DNAH10: variants seen among roughly 807,000 people sequenced by gnomAD.
The protein encoded by DNAH10 is axonemal beta dynein heavy chain 10.
Under a neutral mutation model 506.6 loss-of-function variants are expected in DNAH10, and 348 were observed. The observed-to-expected ratio is 0.69, with a 90% confidence interval of 0.63 to 0.75. DNAH10 has a LOEUF of 0.75. DNAH10 is among the 30% of genes least tolerant of loss of function. DNAH10 has a pLI of 0.00. For synonymous variants in DNAH10, 2,059 were observed against 2,198.6 expected, an observed-to-expected ratio of 0.94 and a Z score of 1.78; for missense variants, 5,179 against 5,787.1, an observed-to-expected ratio of 0.89 and a Z score of 3.41.
At position 123,917,727 on chromosome 12, in the gene DNAH10, C is replaced by T. The variant is rs1027683741; in HGVS notation, c.11146C>T (p.Arg3716Trp). The change falls in exon 64 of 79, where the codon CGG (arginine) becomes TGG (tryptophan). Residue 3716 changes from arginine to tryptophan, a missense_variant. Around this residue, in one of 3 missense-constraint regions of DNAH10, gnomAD observed 4,844 missense variants for 5,430.5 expected, o/e 0.89. Coordinates refer to ENST00000673944, the MANE Select transcript of DNAH10 (RefSeq NM_001372106.1). This position sits in a 1 kb window ranked among gnomAD's most constrained non-coding sequence, Gnocchi z 5.6. Reference protein sequence around the residue: ...LLKDLEDSLLRELATSTGNML... With the variant: ...LLKDLEDSLLWELATSTGNML... ...CAAGGACCTGGAAGATTCCCTCCTT[C>T]GGGAGCTGGCCACGTCCACGGGGAA... is the stretch of plus-strand genomic sequence containing the variant. 7 of 1,566,448 alleles carry T rather than the reference C, an allele frequency of 4.5e-6. No homozygotes were observed. The East Asian group carries it at 7.2e-5, about 16-fold the overall frequency.
chr12:123,857,191 A>G lies in DNAH10; in HGVS notation c.6574A>G (p.Asn2192Asp). The change falls in exon 37 of 79, where the codon AAC becomes GAC. Residue 2192 changes from asparagine (N) to aspartate (D), a missense_variant. By Grantham distance (23) the Asn-to-Asp change is conservative (BLOSUM62 1). Transcript: ENST00000673944. ...CCCTCGCGTCCGCTACCCTGACTTC[A>G]ACGATGCGGTAGAGCAGGTCCTGGA... ...DCPRVRYPDFNDAVEQVLEEN... is the reference protein window; with the variant it reads ...DCPRVRYPDFDDAVEQVLEEN... 6.2e-7 allele frequency: 1 copy of G among 1,609,136 alleles called. No homozygotes were observed. Among genetic ancestry groups the G allele is most frequent in the Non-Finnish European group, 8.5e-7 (1 of 1,177,766 alleles).
rs768210997 is a variant in DNAH10 at position 123,851,047 on chromosome 12, C to T, written c.6262C>T (p.Leu2088Phe). The T allele has an allele frequency of 6.2e-7, 1 of 1,611,578 alleles. No homozygotes were observed. Among genetic ancestry groups the T allele is most frequent in the Non-Finnish European group, 8.5e-7 (1 of 1,178,320 alleles). Residue 2088 changes from leucine (L) to phenylalanine (F), a missense_variant, in exon 35 of 79, where the codon CTC (leucine) becomes TTC (phenylalanine). Coordinates refer to ENST00000673944, the MANE Select transcript of DNAH10 (RefSeq NM_001372106.1). ...CCTGCAGCAGATCTGTGAGATCATG[C>T]TCTTCTCTGAGGGCTTCCTGGAGGC... ...PDLQQICEIMLFSEGFLEAKT... is the reference protein window; with the variant it reads ...PDLQQICEIMFFSEGFLEAKT...
intron 51 of DNAH10, among the ~76,000 whole-genome samples, chr12:123,885,145 C>A (rs1298952707): frequency 6.6e-6 from 1 of 152,190 alleles, no homozygotes; most frequent in Non-Finnish European, 1.5e-5. Context: ...ACTTTTGCGC[C>A]ATGGCAAAGT....
rs1956868255 is a variant in DNAH10, at chr12:123,762,614, G to A, written c.214+64G>A. ...TCCTGCCCGTCCCGGCCTCTCCGGC[G>A]GGCGCCGGGGCTGCTAGAGCCTGCC... On this transcript the variant is annotated intron_variant, in intron 1 of 78. Coordinates refer to ENST00000673944, the MANE Select transcript of DNAH10 (RefSeq NM_001372106.1). The surrounding 1 kb of genome is among the most constrained non-coding windows in gnomAD (Gnocchi z 5.0). The A allele has an allele frequency of 4.1e-6, 6 of 1,471,942 alleles. No homozygotes were observed. The highest frequency in any genetic ancestry group is 2.2e-5 in the Admixed American group (1 of 45,732). The allele number at this position is 1,471,942 out of a possible 1,614,324, so 91.2% of individuals were successfully genotyped here.
chr12:123,783,245 A>T lies in DNAH10; in HGVS notation c.980A>T (p.Gln327Leu). 3.1e-6 allele frequency: 5 copies of T among 1,614,084 alleles called. No individual in the cohort carries two copies. The highest frequency in any genetic ancestry group is 4.2e-6 in the Non-Finnish European group (5 of 1,180,020). The change falls in exon 7 of 79, where the codon CAA (glutamine) becomes CTA (leucine). Residue 327 changes from glutamine to leucine, a missense_variant. This residue lies in a region of DNAH10 where 4,844 missense variants were observed against 5,430.5 expected (regional missense o/e 0.89). Coordinates refer to ENST00000673944, the MANE Select transcript of DNAH10 (RefSeq NM_001372106.1). ...LNQISTAVEA[Q>L]LKKTPQGKGP... ...CAGATATCCACAGCGGTTGAGGCCC[A>T]ACTGAAGAAGACACCTCAGGTAGTT... is the stretch of plus-strand genomic sequence containing the variant.
intron 49 of DNAH10, 102 bp from the exon 50 acceptor site, chr12:123,879,532 C>T (rs1952409493): frequency 7.8e-6 from 12 of 1,528,974 alleles, no homozygotes; most frequent in South Asian, 6.3e-5. Flanking sequence ...AAAAATAGAA[C>T]GCAAATTATT....
intron 1 of DNAH10, among the ~76,000 whole-genome samples, chr12:123,763,563 CTTT>C (rs35395990): frequency 8.5e-5 from 11 of 129,492 alleles, no homozygotes; most frequent in Middle Eastern, 3.8e-3. Context: ...TATTTTTTAA[CTTT>C]TTTTTTTTTT....
At position 123,928,655 on chromosome 12, in the gene DNAH10, G is replaced by A. The variant is rs973547148; in HGVS notation, c.12306+68G>A. 1 of 1,496,002 alleles carries A rather than the reference G, an allele frequency of 6.7e-7. No homozygotes were observed. Among genetic ancestry groups the A allele is most frequent in the African/African-American group, 1.4e-5 (1 of 72,002 alleles). 92.7% of individuals were successfully genotyped at this position (1,496,002 alleles called of 1,614,324 possible). A position where few individuals can be genotyped will look rare whatever the true frequency, so the allele number is the denominator to read the frequency against. On this transcript the variant is annotated intron_variant, in intron 70 of 78. Coordinates refer to ENST00000673944, the MANE Select transcript of DNAH10 (RefSeq NM_001372106.1). This position sits in a 1 kb window ranked among gnomAD's most constrained non-coding sequence, Gnocchi z 4.9. ...CTCAGAACACCTGCATGCTGCTCTG[G>A]GGCCGGGGTGTGCCTTTGTCTGTGT...
chr12:123,908,526 C>T (rs562728492), intron 57 of DNAH10: 15 of 456,140 alleles, frequency 3.3e-5, no homozygotes, highest in Non-Finnish European at 5.3e-5. Flanking sequence ...CTGTGGCTTT[C>T]ACTGACCTTG....
At chr12:123,768,130 CTCCTCCTCCTCCTTTTT>C (rs1371080631) in intron 2 of DNAH10, among the ~76,000 whole-genome samples, 1 of 143,922 alleles carries the variant, frequency 6.9e-6, no homozygotes, top group Non-Finnish European at 1.6e-5. Flanking sequence ...CCTCCTCCTC[CTCCTCCTCCTCCTTTTT>C]TTTTGAGACA....
chr12:123,846,281 G>A lies in DNAH10; in HGVS notation c.5814+127G>A. The A allele has an allele frequency of 1.6e-6, 2 of 1,266,530 alleles. No homozygotes were observed. The highest frequency in any genetic ancestry group is 2.1e-6 in the Non-Finnish European group (2 of 945,386). The allele number at this position is 1,266,530 out of a possible 1,614,324, so 78.5% of individuals were successfully genotyped here. On this transcript the variant is annotated intron_variant, in intron 32 of 78. Coordinates refer to ENST00000673944, the MANE Select transcript of DNAH10 (RefSeq NM_001372106.1). This position sits in a 1 kb window ranked among gnomAD's most constrained non-coding sequence, Gnocchi z 4.5. ...GATCATTGCTTTGAAATCTCGAAAA[G>A]CTTTTCCATTTGGGATGTGACCAGA... is the stretch of plus-strand genomic sequence containing the variant.
chr12:123,883,315 C>G (rs1174897971), intron 51 of DNAH10, among the ~76,000 whole-genome samples: 1 of 152,204 alleles, frequency 6.6e-6, no homozygotes, highest in East Asian at 1.9e-4. Flanking sequence ...TTTTCCATTC[C>G]TACCAGCAGC....
chr12:123,910,854 T>TG (rs1428195468), intron 59 of DNAH10, among the ~76,000 whole-genome samples, 182 bp downstream of exon 59: 7 of 151,312 alleles, frequency 4.6e-5, no homozygotes, highest in Non-Finnish European at 8.8e-5. Context: ...AGGCATAGTG[T>TG]GGGTGGTGGA....
At chr12:123,847,183 C>T (rs959747203) in intron 32 of DNAH10, among the ~76,000 whole-genome samples, 2 of 147,330 alleles carry the variant, frequency 1.4e-5, no homozygotes, top group African/African-American at 5.3e-5. Context: ...TCCATCCATC[C>T]ATCCATCCAT....
In DNAH10 at chr12:123,913,146, A is replaced by G; in HGVS notation, c.10183A>G (p.Arg3395Gly). Residue 3395 changes from arginine (R) to glycine (G), a missense_variant, in exon 60 of 79, where the codon AGG becomes GGG. Transcript: ENST00000673944. The surrounding 1 kb of genome is among the most constrained non-coding windows in gnomAD (Gnocchi z 5.1). ...TTACCTCACTAAACGGGAACTGGAA[A>G]GGATCCAGAATGAGTTGGCAGCAAT... is the stretch of plus-strand genomic sequence containing the variant. ...NFYLTKRELERIQNELAAIQK... is the reference protein window; with the variant it reads ...NFYLTKRELEGIQNELAAIQK... 1.2e-6 allele frequency: 2 copies of G among 1,612,072 alleles called. No homozygotes were observed. The highest frequency in any genetic ancestry group is 2.7e-5 in the African/African-American group (2 of 75,040).
chr12:123,826,723 A>C lies in DNAH10; in HGVS notation c.4216A>C (p.Asn1406His). ...KEEWSQTLWI[N>H]LNVQILQEGI... ...AGAATGGTCTCAGACCCTTTGGATC[A>C]ACCTGAATGTGCAGATTCTCCAGGA... is the stretch of plus-strand genomic sequence containing the variant. The change falls in exon 25 of 79, where the codon AAC (asparagine) becomes CAC (histidine). Residue 1406 changes from asparagine to histidine, a missense_variant. Transcript: ENST00000673944. 6.2e-7 allele frequency: 1 copy of C among 1,613,856 alleles called. No homozygotes were observed.
intron 6 of DNAH10, among the ~76,000 whole-genome samples, chr12:123,781,678 C>T (rs939085928): frequency 6.6e-6 from 1 of 152,162 alleles, no homozygotes; most frequent in Admixed American, 6.5e-5. Flanking sequence ...GTTGGCCAGG[C>T]TGGTCTTAAA....
chr12:123,923,935 C>A, intron 66 of DNAH10, 68 bp downstream of exon 66: 2 of 1,202,870 alleles, frequency 1.7e-6, no homozygotes, highest in Non-Finnish European at 2.3e-6. Context: ...ATAAGTTTGT[C>A]TGTTGAAACA....
chr12:123,864,972 C>T (rs890890731), intron 40 of DNAH10, among the ~76,000 whole-genome samples: 1 of 152,170 alleles, frequency 6.6e-6, no homozygotes, highest in African/African-American at 2.4e-5. Flanking sequence ...AAGTAACAGG[C>T]TTAGCATGAT....
Sources: allele counts gnomAD v4.1 joint callset (sites outside exome capture counted in the v4.1 genomes callset), GRCh38; gene constraint gnomAD v4.1.1; regional missense constraint gnomAD v4.1.1; non-coding constraint Gnocchi (gnomAD v3.1); transcripts MANE v1.5; gene names NCBI Gene and HGNC (gene_info 2026-07-23, HGNC 2026-07-21).